The following DPP6 variants were observed in gnomAD, a reference collection of about 807,000 sequenced individuals.
DPP6 encodes the protein dipeptidyl peptidase like 6.
In DPP6, 69 loss-of-function variants were observed where a neutral mutation model predicts 122.6. The observed-to-expected ratio is 0.56, with a 90% CI of 0.46 to 0.69. The LOEUF is 0.69. Among genes scored for constraint, DPP6 ranks in the 30% least tolerant of loss-of-function variants. DPP6 has a pLI of 0.00. For missense variants in DPP6, 928 were observed against 1,116.9 expected (o/e 0.83, Z 2.41); for synonymous variants, 418 against 433.1 (o/e 0.97, Z 0.43).
At chr7:153,789,708 T>A in the DPP6 span, among the ~76,000 whole-genome samples, 6 of 152,164 alleles carry the variant, frequency 3.9e-5, no homozygotes, top group African/African-American at 1.4e-4. Context: ...AGTTTTGAAG[T>A]AGAAATAATG....
At chr7:154,128,291 A>C (rs1297237324) in intron 1 of DPP6, among the ~76,000 whole-genome samples, 2 of 152,106 alleles carry the variant, frequency 1.3e-5, no homozygotes, top group Non-Finnish European at 2.9e-5. Context: ...TTTTTTGAAA[A>C]TAAAAAGGCT....
rs896566591 is a variant in DPP6, at chr7:154,403,611, G to A, written c.244-42603G>A. On this transcript the variant is annotated intron_variant, in intron 1 of 25. Transcript: ENST00000377770. The surrounding 1 kb of genome is among the most constrained non-coding windows in gnomAD (Gnocchi z 4.1). ...TCACGCCTTTCTCTGCTGTCTGCACGTGGCGAAAATGAAAGCATTTCATGG... is the reference window on the plus strand; with the variant it reads ...TCACGCCTTTCTCTGCTGTCTGCACATGGCGAAAATGAAAGCATTTCATGG... Among the ~76,000 whole-genome samples the A allele has an allele frequency of 6.6e-6, 1 of 152,220 alleles. No homozygotes were observed. Among genetic ancestry groups the A allele is most frequent in the East Asian group, 1.9e-4 (1 of 5,186 alleles).
chr7:154,305,487 G>A (rs780683888), intron 1 of DPP6: 1 of 1,599,546 alleles, frequency 6.3e-7, no homozygotes. Context: ...GAAGCGCCTG[G>A]ACAGACCATG....
Position 154,691,070 on chromosome 7 carries a change from A to T in DPP6, c.762+21629A>T, listed in dbSNP as rs73730206. Among the ~76,000 whole-genome samples the T allele has an allele frequency of 9.8e-4, 150 of 152,336 alleles. 1 individual carries two copies. Among genetic ancestry groups the T allele is most frequent in the African/African-American group, 3.5e-3 (145 of 41,578 alleles). On this transcript the variant is annotated intron_variant, in intron 7 of 25. Coordinates refer to ENST00000377770, the MANE Select transcript of DPP6 (RefSeq NM_130797.4). ...AGGATCACCTGTGACGAGCAACGTC[A>T]AAGTGTTTTGGTGCAACTCAAATGC...
At chr7:154,523,735 C>T (rs575631537) in intron 3 of DPP6, among the ~76,000 whole-genome samples, 21 of 152,278 alleles carry the variant, frequency 1.4e-4, no homozygotes, top group South Asian at 6.2e-4. Flanking sequence ...TCCTGCATTC[C>T]GCACTTGACT....
chr7:154,563,776 C>T (rs73729335), intron 4 of DPP6, among the ~76,000 whole-genome samples: 3,480 of 152,116 alleles, frequency 0.023, 143 homozygotes, highest in African/African-American at 0.08. Flanking sequence ...CTTGAGGTAT[C>T]CATTTGACAC....
chr7:154,348,023 G>A (rs1475342443), intron 1 of DPP6, among the ~76,000 whole-genome samples: 1 of 152,120 alleles, frequency 6.6e-6, no homozygotes, highest in Non-Finnish European at 1.5e-5. Flanking sequence ...CCTTTTGACG[G>A]TTTGAGGAAC....
At chr7:154,208,714 T>C (rs1014432568) in intron 1 of DPP6, among the ~76,000 whole-genome samples, 1 of 151,876 alleles carries the variant, frequency 6.6e-6, no homozygotes, top group Non-Finnish European at 1.5e-5. Context: ...GATAGCACAG[T>C]CAGGGAAATA....
At chr7:154,745,772 C>T (rs557205271) in intron 8 of DPP6, among the ~76,000 whole-genome samples, 6 of 152,246 alleles carry the variant, frequency 3.9e-5, no homozygotes, top group East Asian at 3.9e-4. Context: ...TATAACAGCC[C>T]GCCCTCACAG....
intron 7 of DPP6, among the ~76,000 whole-genome samples, chr7:154,725,398 G>C (rs1201944100): frequency 3.3e-5 from 5 of 152,166 alleles, no homozygotes; most frequent in Admixed American, 2.6e-4. Flanking sequence ...AGCATGGCTG[G>C]AGAGGCCTCA....
chr7:154,137,673 G>A (rs994756918), intron 1 of DPP6, among the ~76,000 whole-genome samples: 22 of 145,230 alleles, frequency 1.5e-4, no homozygotes, highest in African/African-American at 4.8e-4. Context: ...GGGGTGGGGC[G>A]AGCTAATTAT....
At chr7:154,818,516 G>T (rs1799558715) in intron 16 of DPP6, among the ~76,000 whole-genome samples, 1 of 152,190 alleles carries the variant, frequency 6.6e-6, no homozygotes, top group Non-Finnish European at 1.5e-5. Context: ...CCCAGAGCTA[G>T]AAAAATAATA....
chr7:154,530,683 T>C (rs1827772690), intron 3 of DPP6, among the ~76,000 whole-genome samples: 1 of 152,184 alleles, frequency 6.6e-6, no homozygotes, highest in African/African-American at 2.4e-5. Flanking sequence ...TATAAAGATA[T>C]GTACACATGT....
chr7:154,717,360 C>T (rs1841544649), intron 7 of DPP6, among the ~76,000 whole-genome samples: 4 of 151,652 alleles, frequency 2.6e-5, no homozygotes, highest in Admixed American at 2.6e-4. Flanking sequence ...CCAGTCTCTC[C>T]CCATTACCCA....
chr7:153,918,136 T>G (rs1800408722), intron 1 of DPP6, among the ~76,000 whole-genome samples: 1 of 152,196 alleles, frequency 6.6e-6, no homozygotes, highest in South Asian at 2.1e-4. Context: ...CCAAAGCTAT[T>G]GGGTCAGATA....
chr7:154,512,042 A>T (rs979244808), intron 3 of DPP6, among the ~76,000 whole-genome samples: 3 of 152,182 alleles, frequency 2.0e-5, no homozygotes, highest in Non-Finnish European at 2.9e-5. Flanking sequence ...ACTAATGATA[A>T]AGATTAAATA....
chr7:153,940,598 C>T (rs1418043781), intron 1 of DPP6, among the ~76,000 whole-genome samples: 3 of 152,090 alleles, frequency 2.0e-5, no homozygotes, highest in Non-Finnish European at 4.4e-5. Flanking sequence ...GTCTACCCAC[C>T]CCAGCTGCAG....
intron 10 of DPP6, among the ~76,000 whole-genome samples, chr7:154,789,017 A>T (rs1275832069): frequency 2.0e-5 from 3 of 151,972 alleles, no homozygotes; most frequent in Non-Finnish European, 2.9e-5. Flanking sequence ...TTTTAGTGTG[A>T]CTTCCCTTTC....
Position 154,804,914 on chromosome 7 carries a change from C to T in DPP6, c.1500-3C>T. On this transcript the variant is annotated splice_polypyrimidine_tract_variant and splice_region_variant and intron_variant, in intron 14 of 25. Coordinates refer to ENST00000377770, the MANE Select transcript of DPP6 (RefSeq NM_130797.4). Reference sequence around the variant, plus strand: ...ACCCTGTGCACCTTGGTGATCTTTGCAGCTACTTCCTGAGCACGGAGGACC... The same window carrying T: ...ACCCTGTGCACCTTGGTGATCTTTGTAGCTACTTCCTGAGCACGGAGGACC... 1.9e-6 allele frequency: 3 copies of T among 1,601,254 alleles called. No individual in the cohort carries two copies. The highest frequency in any genetic ancestry group is 2.6e-6 in the Non-Finnish European group (3 of 1,173,572).
Sources: gnomAD v4.1 joint callset for allele counts (sites outside exome capture counted in the v4.1 genomes callset) on GRCh38, gnomAD v4.1.1 for gene constraint, Gnocchi (gnomAD v3.1) non-coding constraint, MANE v1.5 for transcripts, NCBI Gene and HGNC (gene_info 2026-07-23, HGNC 2026-07-21) for gene names.